Variants in SMYD3 observed in about 807,000 individuals in gnomAD.
SMYD3 encodes the protein SET and MYND domain containing 3, also known as histone-lysine N-methyltransferase SMYD3.
SMYD3 carries 36 observed loss-of-function variants against 57.7 expected under a neutral mutation model. The observed-to-expected ratio is 0.62, with a 90% CI of 0.48 to 0.82. SMYD3 has a LOEUF of 0.82. Ranked by LOEUF, SMYD3 falls within the 40% of genes least tolerant of loss-of-function variation. SMYD3 has a pLI of 0.00. For synonymous variants in SMYD3, 211 were observed against 195.0 expected (o/e 1.08, Z -0.68); for missense variants, 515 against 538.8 (o/e 0.96, Z 0.44).
intron 10 of SMYD3, among the ~76,000 whole-genome samples, chr1:245,776,840 C>G (rs1199454796): frequency 1.3e-5 from 2 of 152,218 alleles, no homozygotes; most frequent in East Asian, 3.8e-4. Context: ...ACCTCACAAG[C>G]CAAATCCCAT....
chr1:246,394,923 G>C (rs2066633970), intron 1 of SMYD3, among the ~76,000 whole-genome samples: 1 of 151,166 alleles, frequency 6.6e-6, no homozygotes, highest in South Asian at 2.1e-4. Flanking sequence ...TGATATGAGA[G>C]GCTCCCGAAC....
chr1:245,982,145 G>C (rs998721039), intron 5 of SMYD3, among the ~76,000 whole-genome samples: 2 of 149,852 alleles, frequency 1.3e-5, no homozygotes, highest in Non-Finnish European at 1.5e-5. Context: ...ATCACATTTC[G>C]AGTTTTTGAG....
At chr1:245,866,450 G>T (rs142015836) in intron 8 of SMYD3, among the ~76,000 whole-genome samples, 186 of 152,258 alleles carry the variant, frequency 1.2e-3, no homozygotes, top group African/African-American at 4.0e-3. Context: ...GTAAACAACA[G>T]GCTGGATGCG....
rs1214948162 is a variant in SMYD3, at chr1:246,434,076, ATACAACT to A, written c.164+72971_164+72977del. Among the ~76,000 whole-genome samples the A allele has an allele frequency of 3.9e-5, 6 of 152,338 alleles. No homozygotes were observed. The South Asian group carries it at 1.2e-3, about 32-fold the overall frequency. ...GGATAGGCTACCTATATGCAGAAGA[ATACAACT>A]GGACCTCTACCTTTCATCATGTACA... is the stretch of plus-strand genomic sequence containing the variant. On this transcript the variant is annotated intron_variant, in intron 1 of 11. Transcript: ENST00000490107.
At chr1:246,195,514 T>C (rs1468746128) in intron 5 of SMYD3, among the ~76,000 whole-genome samples, 2 of 152,202 alleles carry the variant, frequency 1.3e-5, no homozygotes, top group Non-Finnish European at 2.9e-5. Context: ...ATTCACATCC[T>C]ATTCTCCAAA....
chr1:246,488,275 A>G (rs12567142), intron 1 of SMYD3, among the ~76,000 whole-genome samples: 24,213 of 152,292 alleles, frequency 0.16, 2,491 homozygotes, highest in East Asian at 0.45. Context: ...CTAACAGAAG[A>G]AAGGTATTAC....
intron 5 of SMYD3, among the ~76,000 whole-genome samples, chr1:246,297,198 C>A (rs1181830443): frequency 6.6e-6 from 1 of 152,030 alleles, no homozygotes; most frequent in Non-Finnish European, 1.5e-5. Context: ...GAAACAAGGA[C>A]CATCTTTGAG....
intron 11 of SMYD3, among the ~76,000 whole-genome samples, chr1:245,751,786 G>A (rs936172737): frequency 5.9e-5 from 9 of 152,132 alleles, no homozygotes; most frequent in South Asian, 2.1e-4. Context: ...AGATGCTGGC[G>A]GTGGGAATTG....
intron 5 of SMYD3, among the ~76,000 whole-genome samples, chr1:246,107,674 C>T (rs1238414541): frequency 2.6e-5 from 4 of 152,176 alleles, no homozygotes; most frequent in East Asian, 1.9e-4. Context: ...GGAAACAATA[C>T]AAAAGATTGC....
At chr1:245,793,118 G>C (rs1437583092) in intron 10 of SMYD3, among the ~76,000 whole-genome samples, 2 of 146,950 alleles carry the variant, frequency 1.4e-5, no homozygotes, top group Non-Finnish European at 3.0e-5. Context: ...GACCATCCTG[G>C]CTAACACGGT....
intron 8 of SMYD3, among the ~76,000 whole-genome samples, chr1:245,906,980 A>G (rs1032859211): frequency 1.3e-5 from 2 of 152,230 alleles, no homozygotes; most frequent in African/African-American, 4.8e-5. Flanking sequence ...AAAAAATCAC[A>G]TGTTCTTACT....
intron 5 of SMYD3, among the ~76,000 whole-genome samples, chr1:246,069,780 G>T (rs1172738278): frequency 6.6e-6 from 1 of 152,198 alleles, no homozygotes; most frequent in Non-Finnish European, 1.5e-5. Context: ...GCCTGCGAAG[G>T]CTGAATTCCA....
chr1:246,463,821 G>A (rs1359427306), intron 1 of SMYD3, among the ~76,000 whole-genome samples: 3 of 112,776 alleles, frequency 2.7e-5, no homozygotes, highest in Non-Finnish European at 3.4e-5. Flanking sequence ...GGGAGACGGC[G>A]AGACCCCGTC....
intron 9 of SMYD3, among the ~76,000 whole-genome samples, chr1:245,862,959 G>C (rs2051635009): frequency 6.6e-6 from 1 of 152,132 alleles, no homozygotes; most frequent in African/African-American, 2.4e-5. Flanking sequence ...CTTTAAAACT[G>C]GAAACCTCCC....
At chr1:246,380,525 A>C (rs2066369941) in intron 1 of SMYD3, among the ~76,000 whole-genome samples, 1 of 152,202 alleles carries the variant, frequency 6.6e-6, no homozygotes, top group Non-Finnish European at 1.5e-5. Context: ...TCTTTTAAAG[A>C]CCTTCTTCTG....
intron 5 of SMYD3, among the ~76,000 whole-genome samples, chr1:246,048,732 A>G (rs973019737): frequency 1.3e-5 from 2 of 152,076 alleles, no homozygotes. Context: ...AATGATAGCA[A>G]CTTCACAAGG....
intron 7 of SMYD3, among the ~76,000 whole-genome samples, chr1:245,927,069 G>A (rs1049584747): frequency 3.9e-5 from 6 of 152,248 alleles, no homozygotes; most frequent in Non-Finnish European, 8.8e-5. Flanking sequence ...TTTATTGGCT[G>A]AGTGCTGCAT....
chr1:246,458,175 C>T (rs1558474005), intron 1 of SMYD3, among the ~76,000 whole-genome samples: 1 of 152,014 alleles, frequency 6.6e-6, no homozygotes, highest in Non-Finnish European at 1.5e-5. Context: ...GGTCAGGCTA[C>T]AAGGACAGAT....
At chr1:246,411,247 G>A (rs1322749244) in intron 1 of SMYD3, among the ~76,000 whole-genome samples, 1 of 152,136 alleles carries the variant, frequency 6.6e-6, no homozygotes, top group African/African-American at 2.4e-5. Context: ...CTGGCCATCA[G>A]AGAAATGCAA....
Sources: gnomAD v4.1 joint callset for allele counts (sites outside exome capture counted in the v4.1 genomes callset) on GRCh38, gnomAD v4.1.1 for gene constraint, MANE v1.5 for transcripts, NCBI Gene and HGNC (gene_info 2026-07-23, HGNC 2026-07-21) for gene names.